The following BANK1 variants were observed in gnomAD, a reference collection of about 807,000 sequenced individuals.
The protein encoded by BANK1 is B cell scaffold protein with ankyrin repeats 1, also known as B-cell scaffold protein with ankyrin repeats.
In BANK1, 95 loss-of-function variants were observed where a neutral mutation model predicts 94.5. That is an observed-to-expected ratio of 1.00 (90% CI 0.85 to 1.19). BANK1 has a LOEUF of 1.19. Among genes scored for constraint, BANK1 ranks in the 50% most tolerant of loss-of-function variants. The pLI is 0.00. For synonymous variants in BANK1, 334 were observed against 308.4 expected (o/e 1.08, Z -0.87); for missense variants, 987 against 932.2 (o/e 1.06, Z -0.77).
At chr4:101,918,463 G>A (rs1018207519) in intron 7 of BANK1, among the ~76,000 whole-genome samples, 1 of 151,832 alleles carries the variant, frequency 6.6e-6, no homozygotes, top group African/African-American at 2.4e-5. Flanking sequence ...TCCCAGTTCT[G>A]TCTTATGAAG....
intron 7 of BANK1, among the ~76,000 whole-genome samples, chr4:102,012,048 T>C (rs1279978128): frequency 2.0e-5 from 3 of 152,158 alleles, no homozygotes; most frequent in Non-Finnish European, 4.4e-5. Flanking sequence ...CTCCTAGTTT[T>C]CTTTATTTTT....
intron 6 of BANK1, among the ~76,000 whole-genome samples, chr4:101,903,722 C>T (rs920397524): frequency 2.6e-5 from 4 of 152,110 alleles, no homozygotes; most frequent in African/African-American, 7.2e-5. Context: ...TAGAGCAGGT[C>T]GTATGCAATT....
At chr4:101,942,179 C>T (rs535909818) in intron 7 of BANK1, among the ~76,000 whole-genome samples, 1 of 152,010 alleles carries the variant, frequency 6.6e-6, no homozygotes, top group East Asian at 2.0e-4. Context: ...CTAAAATTGG[C>T]AACCAAGGAC....
chr4:101,933,627 TGAGC>T (rs1723431336), intron 7 of BANK1, among the ~76,000 whole-genome samples: 1 of 151,574 alleles, frequency 6.6e-6, no homozygotes, highest in Non-Finnish European at 1.5e-5. Context: ...AAGAAAATGT[TGAGC>T]TAGGTAGCAC....
In BANK1 at chr4:101,829,978, A is replaced by G; in HGVS notation, c.241A>G (p.Lys81Glu). The G allele has an allele frequency of 6.2e-7, 1 of 1,613,766 alleles. No individual in the cohort carries two copies. Residue 81 changes from lysine to glutamate, a missense_variant, in exon 2 of 17, where the codon AAA (lysine) becomes GAA (glutamate). Coordinates refer to ENST00000322953, the MANE Select transcript of BANK1 (RefSeq NM_017935.5). Reference sequence around the variant, plus strand: ...GCTGAACTTAACGTCTTACAAATGTAAACTTTTGATATTATCAAATAGCCT... The same window carrying G: ...GCTGAACTTAACGTCTTACAAATGTGAACTTTTGATATTATCAAATAGCCT... ...ELLNLTSYKCKLLILSNSLLR... is the reference protein window; with the variant it reads ...ELLNLTSYKCELLILSNSLLR...
chr4:102,006,102 A>C (rs1178135513), intron 7 of BANK1, among the ~76,000 whole-genome samples: 6 of 152,048 alleles, frequency 3.9e-5, no homozygotes, highest in African/African-American at 7.2e-5. Context: ...CCATTGTATA[A>C]TACTAATGAT....
intron 5 of BANK1, among the ~76,000 whole-genome samples, chr4:101,887,906 C>T (rs532822109): frequency 2.6e-5 from 4 of 152,198 alleles, no homozygotes; most frequent in South Asian, 4.2e-4. Context: ...GAGCTGAGCA[C>T]GTATAAAGTT....
intron 7 of BANK1, among the ~76,000 whole-genome samples, chr4:101,974,160 CT>C (rs1725048226): frequency 6.6e-6 from 1 of 152,042 alleles, no homozygotes; most frequent in Admixed American, 6.6e-5. Context: ...TTCTCTGCTT[CT>C]TTTCCATGTA....
chr4:102,048,217 A>T (rs1291747845), intron 11 of BANK1, among the ~76,000 whole-genome samples: 1 of 152,164 alleles, frequency 6.6e-6, no homozygotes, highest in Non-Finnish European at 1.5e-5. Context: ...AGGGAACAGC[A>T]TATTGTTTTA....
chr4:101,895,025 A>C (rs1307871645), intron 5 of BANK1, among the ~76,000 whole-genome samples: 1 of 151,764 alleles, frequency 6.6e-6, no homozygotes, highest in African/African-American at 2.4e-5. Flanking sequence ...TTTATATTTT[A>C]TAGTTATAAA....
rs188307158 is a variant in BANK1, at chr4:102,026,747, G to A, written c.1594+1238G>A. ...TGAGGCAGGAGAATCGCTTGAGCCCGGGAGGCGGAGGTTGCAGTGAGCCAA... is the reference window on the plus strand; with the variant it reads ...TGAGGCAGGAGAATCGCTTGAGCCCAGGAGGCGGAGGTTGCAGTGAGCCAA... On this transcript the variant is annotated intron_variant, in intron 9 of 16. Coordinates refer to ENST00000322953, the MANE Select transcript of BANK1 (RefSeq NM_017935.5). 2.8e-3 allele frequency among the ~76,000 whole-genome samples: 431 copies of A among 151,518 alleles called. 3 individuals carry two copies. Among genetic ancestry groups the A allele is most frequent in the African/African-American group, 1.0e-2 (412 of 41,234 alleles).
At chr4:102,043,636 T>C (rs137934019) in intron 10 of BANK1, among the ~76,000 whole-genome samples, 190 of 152,194 alleles carry the variant, frequency 1.2e-3, no homozygotes, top group African/African-American at 4.2e-3. Flanking sequence ...CTCTGCTCAA[T>C]GAAAATGCTT....
Position 102,060,416 on chromosome 4 carries a change from A to G in BANK1, c.2148+27A>G, listed in dbSNP as rs569020939. 3.8e-6 allele frequency: 6 copies of G among 1,577,840 alleles called. No homozygotes were observed. The East Asian group carries it at 1.2e-4, about 31-fold the overall frequency. On this transcript the variant is annotated intron_variant, in intron 12 of 16. Coordinates refer to ENST00000322953, the MANE Select transcript of BANK1 (RefSeq NM_017935.5). ...TAATATTGGCCCAGTGTTTTCTGGG[A>G]CATTCCCTCACTTGTGGAGCCCCTA...
At chr4:101,983,396 G>A (rs756671287) in intron 7 of BANK1, among the ~76,000 whole-genome samples, 14 of 152,024 alleles carry the variant, frequency 9.2e-5, no homozygotes, top group Admixed American at 2.6e-4. Context: ...CGTAGTAGCT[G>A]TTGTGACTTT....
At chr4:101,949,602 A>G (rs1458151282) in intron 7 of BANK1, among the ~76,000 whole-genome samples, 9 of 152,142 alleles carry the variant, frequency 5.9e-5, no homozygotes, top group Middle Eastern at 3.2e-3. Context: ...TTTATTGTGT[A>G]TGTAAATATA....
In BANK1 at chr4:101,802,572, T is replaced by C. The variant is rs116810446; in HGVS notation, c.70+11622T>C. ...AATTAGCACACATTACATTTCTGCT[T>C]TCACTAAGGATGTATTTTGTGTTTG... On this transcript the variant is annotated intron_variant, in intron 1 of 16. Coordinates refer to ENST00000322953, the MANE Select transcript of BANK1 (RefSeq NM_017935.5). Among the ~76,000 whole-genome samples, 761 of 152,292 alleles carry C rather than the reference T, an allele frequency of 5.0e-3. 8 individuals carry two copies. The highest frequency in any genetic ancestry group is 0.017 in the African/African-American group (710 of 41,578).
At chr4:102,057,282 CTCTCTCTT>C (rs1164867510) in intron 11 of BANK1, among the ~76,000 whole-genome samples, 34 of 151,584 alleles carry the variant, frequency 2.2e-4, no homozygotes, top group African/African-American at 6.5e-4. Flanking sequence ...CTCCTGCTCT[CTCTCTCTT>C]TCTCTCTTTC....
intron 12 of BANK1, chr4:102,062,392 T>C (rs1156657206): frequency 6.6e-6 from 1 of 152,190 alleles, no homozygotes. Flanking sequence ...TGTAAGGCAA[T>C]GGAAACAATT....
intron 6 of BANK1, among the ~76,000 whole-genome samples, chr4:101,906,249 G>T (rs1178329578): frequency 1.3e-5 from 2 of 152,208 alleles, no homozygotes; most frequent in Non-Finnish European, 2.9e-5. Context: ...TACAAAAGGA[G>T]AACCTGGTCC....
Sources: allele counts gnomAD v4.1 joint callset (sites outside exome capture counted in the v4.1 genomes callset), GRCh38; gene constraint gnomAD v4.1.1; transcripts MANE v1.5; gene names NCBI Gene and HGNC (gene_info 2026-07-23, HGNC 2026-07-21).